Variants in CYTH1 observed in about 807,000 individuals in gnomAD.
The protein encoded by CYTH1 is cytohesin 1.
Under a neutral mutation model 61.8 loss-of-function variants are expected in CYTH1, and 18 were observed. That is an observed-to-expected ratio of 0.29 (90% confidence interval 0.20 to 0.43). CYTH1 has a LOEUF of 0.43. Among genes scored for constraint, CYTH1 ranks in the 20% least tolerant of loss-of-function variants. CYTH1 has a pLI of 1.00. For synonymous variants in CYTH1, 174 were observed against 184.3 expected (o/e 0.94, Z 0.45); for missense variants, 336 against 510.5 (o/e 0.66, Z 3.29).
In CYTH1 at chr17:78,676,130, T is replaced by C; in HGVS notation, c.1158A>G (p.Ala386=). 2.2e-5 allele frequency: 35 copies of C among 1,611,378 alleles called. No individual in the cohort carries two copies. Among genetic ancestry groups the C allele is most frequent in the Non-Finnish European group, 3.0e-5 (35 of 1,178,994 alleles). The change falls in exon 14 of 14, where the codon GCA becomes GCG. Residue 386 remains alanine, a synonymous_variant. Coordinates refer to ENST00000446868, the MANE Select transcript of CYTH1 (RefSeq NM_004762.6). ...ISRDPFYEML[A]ARKKKVSSTK... The stretch of plus-strand genomic sequence containing the variant: ...TGGAGGAGACCTTCTTTTTCCGTGC[T>C]GCGAGCATTTCGTAGAAAGGGTCCC...
intron 1 of CYTH1, among the ~76,000 whole-genome samples, chr17:78,780,127 G>C (rs1387954679): frequency 6.6e-6 from 1 of 152,240 alleles, no homozygotes; most frequent in Non-Finnish European, 1.5e-5. Context: ...AAGAGCAGCA[G>C]GCAAAACTGC....
intron 1 of CYTH1, among the ~76,000 whole-genome samples, chr17:78,771,383 T>C (rs2093470739): frequency 6.6e-6 from 1 of 152,116 alleles, no homozygotes; most frequent in Non-Finnish European, 1.5e-5. Context: ...GAGGTTGCAG[T>C]GAGCCAAGAT....
At chr17:78,747,173 A>G (rs1344514763) in intron 1 of CYTH1, among the ~76,000 whole-genome samples, 4 of 150,478 alleles carry the variant, frequency 2.7e-5, no homozygotes, top group Admixed American at 1.3e-4. Flanking sequence ...AAAAAAAAGA[A>G]AAAACTACAT....
chr17:78,769,546 A>G (rs1598925664), intron 1 of CYTH1, among the ~76,000 whole-genome samples: 1 of 152,012 alleles, frequency 6.6e-6, no homozygotes, highest in South Asian at 2.1e-4. Context: ...TCCTTGGTTT[A>G]CCTACATTTT....
intron 4 of CYTH1, 42 bp from the exon 5 acceptor site, chr17:78,702,282 A>C (rs909984562): frequency 1.3e-6 from 2 of 1,510,756 alleles, no homozygotes; most frequent in Admixed American, 1.7e-5. Flanking sequence ...CTTTGCTGGG[A>C]AACAGTTGAA....
At chr17:78,753,312 A>T (rs181222478) in intron 1 of CYTH1, among the ~76,000 whole-genome samples, 137 of 152,232 alleles carry the variant, frequency 9.0e-4, no homozygotes, top group African/African-American at 3.2e-3. Context: ...TTATAAGGAA[A>T]AAAGAAAGAA....
chr17:78,690,393 CAAAAAAAAAAAAAAAAAAAAAAA>C (rs60663636), intron 11 of CYTH1, among the ~76,000 whole-genome samples: 9 of 28,314 alleles, frequency 3.2e-4, no homozygotes, highest in African/African-American at 4.2e-4. Flanking sequence ...GACTCCATCT[CAAAAAAAAAAAAAAAAAAAAAAA>C]AAAAAAAAAA....
At chr17:78,744,845 CAAAA>C (rs3038702) in intron 1 of CYTH1, among the ~76,000 whole-genome samples, 5 of 98,124 alleles carry the variant, frequency 5.1e-5, no homozygotes, top group African/African-American at 1.8e-4. Flanking sequence ...GATTAGATGT[CAAAA>C]AAAAAAAAAA....
At chr17:78,780,588 G>A (rs2093512924) in intron 1 of CYTH1, among the ~76,000 whole-genome samples, 1 of 152,056 alleles carries the variant, frequency 6.6e-6, no homozygotes, top group Non-Finnish European at 1.5e-5. Flanking sequence ...GGTAACAAGT[G>A]GGCTGGGTGT....
Position 78,700,275 on chromosome 17 carries a change from G to C in CYTH1, c.550+56C>G. The C allele has an allele frequency of 6.9e-7, 1 of 1,442,648 alleles. No homozygotes were observed. Among genetic ancestry groups the C allele is most frequent in the African/African-American group, 1.4e-5 (1 of 69,330 alleles). The allele number at this position is 1,442,648 out of a possible 1,614,324, so 89.4% of individuals were successfully genotyped here. On this transcript the variant is annotated intron_variant, in intron 7 of 13. Transcript: ENST00000446868. This position sits in a 1 kb window ranked among gnomAD's most constrained non-coding sequence, Gnocchi z 5.1. Reference sequence around the variant, plus strand: ...TGTTTTAGAAATTATCTGGTGCCAAGAAAATAATCCAGTGTAAAACGCCCA... The same window carrying C: ...TGTTTTAGAAATTATCTGGTGCCAACAAAATAATCCAGTGTAAAACGCCCA...
intron 1 of CYTH1, among the ~76,000 whole-genome samples, chr17:78,758,988 A>T (rs142612073): frequency 6.6e-6 from 1 of 152,036 alleles, no homozygotes; most frequent in Non-Finnish European, 1.5e-5. Flanking sequence ...TTGTGGCCCT[A>T]GCTACTCAGG....
intron 1 of CYTH1, among the ~76,000 whole-genome samples, chr17:78,751,474 C>CA (rs71309110): frequency 0.46 from 67,379 of 145,058 alleles, 15,534 homozygotes; most frequent in Non-Finnish European, 0.53. Context: ...CACAAAAATA[C>CA]AAAAAAAAAA....
In CYTH1 at chr17:78,698,375, G is replaced by C; in HGVS notation, c.705C>G (p.Leu235=). The change falls in exon 9 of 14, where the codon CTC becomes CTG. Residue 235 remains leucine (L), a synonymous_variant. Transcript: ENST00000446868. ...GDLPEELLRN[L]YESIKNEPFK... ...AGGGTTCATTTTTTATGCTCTCATAGAGATTCTGGGATAAAAGATGACAAT... is the reference window on the plus strand; with the variant it reads ...AGGGTTCATTTTTTATGCTCTCATACAGATTCTGGGATAAAAGATGACAAT... 1.2e-6 allele frequency: 2 copies of C among 1,606,266 alleles called. No homozygotes were observed. Among genetic ancestry groups the C allele is most frequent in the Non-Finnish European group, 1.7e-6 (2 of 1,173,902 alleles).
At chr17:78,736,788 GC>G in intron 1 of CYTH1, 1 of 336,710 alleles carries the variant, frequency 3.0e-6, no homozygotes. Context: ...CTTACTGGGA[GC>G]CAAGTTTTCC....
intron 3 of CYTH1, among the ~76,000 whole-genome samples, chr17:78,707,824 G>A (rs1231086113): frequency 6.6e-6 from 1 of 152,116 alleles, no homozygotes; most frequent in East Asian, 1.9e-4. Flanking sequence ...GGGACTACAG[G>A]TGTGCACCAC....
At chr17:78,698,774 G>A (rs771222773) in intron 8 of CYTH1, 46 bp downstream of exon 8, 5 of 1,528,812 alleles carry the variant, frequency 3.3e-6, no homozygotes, top group Admixed American at 2.4e-5. Flanking sequence ...CCTGTTCCCA[G>A]TGAACTCTTT....
At chr17:78,759,695 T>C (rs2093414693) in intron 1 of CYTH1, among the ~76,000 whole-genome samples, 1 of 152,154 alleles carries the variant, frequency 6.6e-6, no homozygotes, top group East Asian at 1.9e-4. Flanking sequence ...CAAAACCACA[T>C]AAATTAGATA....
At position 78,755,370 on chromosome 17, in the gene CYTH1, G is replaced by A. The variant is rs541734986; in HGVS notation, c.22+26832C>T. Among the ~76,000 whole-genome samples the A allele has an allele frequency of 4.1e-4, 63 of 151,892 alleles. 1 individual carries two copies. In the South Asian group the frequency reaches 0.012, roughly 30 times the overall value. On this transcript the variant is annotated intron_variant, in intron 1 of 13. Transcript: ENST00000446868. ...GCTGGTCTCGAACTCCTGATCTCAA[G>A]TGATCCGCTCGCCTCGGCCTCCCAA...
chr17:78,676,480 G>GA (rs1196299881), intron 13 of CYTH1: 6 of 349,436 alleles, frequency 1.7e-5, no homozygotes, highest in African/African-American at 4.2e-5. Flanking sequence ...CCAATTCAGA[G>GA]AAAAAGACTG....
Sources: gnomAD v4.1 joint callset for allele counts (sites outside exome capture counted in the v4.1 genomes callset) on GRCh38, gnomAD v4.1.1 for gene constraint, Gnocchi (gnomAD v3.1) non-coding constraint, MANE v1.5 for transcripts, NCBI Gene and HGNC (gene_info 2026-07-23, HGNC 2026-07-21) for gene names.